The following PLCL2 variants were observed in gnomAD, a reference collection of about 807,000 sequenced individuals.
PLCL2 encodes inactive phospholipase C-like protein 2.
Under a neutral mutation model 79.6 loss-of-function variants are expected in PLCL2, and 4 were observed. The ratio of observed to expected loss-of-function variants is 0.05; its 90% CI spans 0.02 to 0.11. The LOEUF is 0.11. Ranked by LOEUF, PLCL2 falls within the 10% of genes least tolerant of loss-of-function variation. The pLI, the probability that PLCL2 is intolerant of heterozygous loss-of-function variation, is 1.00. For missense variants in PLCL2, 895 were observed against 1,291.0 expected (o/e 0.69, Z 4.70); for synonymous variants, 484 against 457.7 (o/e 1.06, Z -0.73).
chr3:17,068,254 T>A (rs982044122), intron 5 of PLCL2, among the ~76,000 whole-genome samples, 189 bp downstream of exon 5: 2 of 152,236 alleles, frequency 1.3e-5, no homozygotes, highest in Admixed American at 6.5e-5. Context: ...TGTAGATCAG[T>A]TGAAGAACAG....
At chr3:17,089,623 C>A in intron 5 of PLCL2, 110 bp from the exon 6 acceptor site, 2 of 693,132 alleles carry the variant, frequency 2.9e-6, no homozygotes, top group Admixed American at 2.7e-5. Context: ...AATAATTATG[C>A]CTTCTTGTGG....
chr3:17,068,390 A>G (rs1243474587), intron 5 of PLCL2, among the ~76,000 whole-genome samples: 2 of 152,232 alleles, frequency 1.3e-5, no homozygotes, highest in South Asian at 2.1e-4. Flanking sequence ...TATTGATTAC[A>G]GAGGAATGAT....
chr3:16,989,025 C>G (rs936750343), intron 1 of PLCL2, among the ~76,000 whole-genome samples: 3 of 152,024 alleles, frequency 2.0e-5, no homozygotes, highest in Non-Finnish European at 2.9e-5. Context: ...TGTTCTCTCT[C>G]TCTCACTTTT....
chr3:16,960,240 A>G (rs2063743053), intron 1 of PLCL2, among the ~76,000 whole-genome samples: 2 of 152,210 alleles, frequency 1.3e-5, no homozygotes, highest in South Asian at 2.1e-4. Context: ...GAAGCCTCAC[A>G]TAAATCAGCC....
chr3:16,964,595 A>T (rs1460311201), intron 1 of PLCL2, among the ~76,000 whole-genome samples: 1 of 152,148 alleles, frequency 6.6e-6, no homozygotes, highest in Non-Finnish European at 1.5e-5. Context: ...GAATCCCCAC[A>T]CTGTCTTCCA....
At chr3:16,913,730 TGTA>T (rs1696932125) in intron 1 of PLCL2, among the ~76,000 whole-genome samples, 1 of 152,144 alleles carries the variant, frequency 6.6e-6, no homozygotes, top group African/African-American at 2.4e-5. Context: ...ATAGCTGTCA[TGTA>T]GTCATTATTT....
At chr3:16,978,825 T>C (rs997984332) in intron 1 of PLCL2, among the ~76,000 whole-genome samples, 5 of 152,360 alleles carry the variant, frequency 3.3e-5, no homozygotes, top group Middle Eastern at 3.4e-3. Flanking sequence ...GGAGGTTTCG[T>C]TGGCAGAGAA....
At chr3:16,966,413 G>A (rs1219672281) in intron 1 of PLCL2, among the ~76,000 whole-genome samples, 4 of 151,882 alleles carry the variant, frequency 2.6e-5, no homozygotes, top group South Asian at 2.1e-4. Flanking sequence ...TGCTGGATTC[G>A]GTTTGCCAGT....
At chr3:16,956,490 C>CT (rs1425755264) in intron 1 of PLCL2, among the ~76,000 whole-genome samples, 1 of 152,054 alleles carries the variant, frequency 6.6e-6, no homozygotes, top group African/African-American at 2.4e-5. Flanking sequence ...CTAAAATTCT[C>CT]TTTTTTTGTT....
intron 1 of PLCL2, among the ~76,000 whole-genome samples, chr3:16,997,345 A>G (rs748636654): frequency 6.6e-6 from 1 of 152,210 alleles, no homozygotes; most frequent in East Asian, 1.9e-4. Context: ...GGTAGACACT[A>G]TAAATACCGT....
intron 4 of PLCL2, among the ~76,000 whole-genome samples, chr3:17,063,666 G>A (rs1462802003): frequency 6.6e-6 from 1 of 152,052 alleles, no homozygotes; most frequent in East Asian, 1.9e-4. Flanking sequence ...TCTCTGACAA[G>A]TTCCCCCAGA....
chr3:16,955,824 CTGTT>C (rs1400833042), intron 1 of PLCL2, among the ~76,000 whole-genome samples: 7 of 152,224 alleles, frequency 4.6e-5, no homozygotes, highest in South Asian at 4.1e-4. Context: ...ATTTGGCTCT[CTGTT>C]TGTCTGTTAT....
At chr3:16,899,616 A>G (rs1696571904) in intron 1 of PLCL2, among the ~76,000 whole-genome samples, 1 of 152,076 alleles carries the variant, frequency 6.6e-6, no homozygotes, top group Non-Finnish European at 1.5e-5. Flanking sequence ...AGTGCGTGAA[A>G]TCTTGTCTGC....
At chr3:17,003,899 C>G (rs978195813) in intron 1 of PLCL2, among the ~76,000 whole-genome samples, 5 of 152,116 alleles carry the variant, frequency 3.3e-5, no homozygotes, top group African/African-American at 1.2e-4. Flanking sequence ...TCAGGAGCAC[C>G]CATGGAGAAG....
chr3:16,989,327 C>T (rs2064081356), intron 1 of PLCL2, among the ~76,000 whole-genome samples: 1 of 152,072 alleles, frequency 6.6e-6, no homozygotes, highest in African/African-American at 2.4e-5. Context: ...TATGACAAGT[C>T]CTTGCCCTTA....
Position 17,010,052 on chromosome 3 carries a change from G to A in PLCL2, c.706G>A (p.Ala236Thr), listed in dbSNP as rs369130951. ...GTCACTGGATTTGGTTGCCAACTCCGCAGATGTTGCAAACATCTGGGTTAC... is the reference window on the plus strand; with the variant it reads ...GTCACTGGATTTGGTTGCCAACTCCACAGATGTTGCAAACATCTGGGTTAC... The part of the protein sequence containing the change: ...YESLDLVANS[A>T]DVANIWVTGL... Residue 236 changes from alanine (A) to threonine (T), a missense_variant, in exon 2 of 6, where the codon GCA (alanine) becomes ACA (threonine). Around this residue, in one of 6 missense-constraint regions of PLCL2, gnomAD observed 129 missense variants for 208.8 expected, o/e 0.62. Coordinates refer to ENST00000615277, the MANE Select transcript of PLCL2 (RefSeq NM_001144382.2). This position sits in a 1 kb window ranked among gnomAD's most constrained non-coding sequence, Gnocchi z 5.8. 8.7e-6 allele frequency: 14 copies of A among 1,612,186 alleles called. No individual in the cohort carries two copies. The Admixed American group carries it at 1.0e-4, about 12-fold the overall frequency.
At chr3:16,964,070 C>T (rs938399823) in intron 1 of PLCL2, among the ~76,000 whole-genome samples, 6 of 151,986 alleles carry the variant, frequency 3.9e-5, no homozygotes, top group South Asian at 2.1e-4. Flanking sequence ...ATGTGCACAA[C>T]GTGCAGGTTT....
At chr3:16,951,368 C>G (rs551025946) in intron 1 of PLCL2, among the ~76,000 whole-genome samples, 1 of 151,914 alleles carries the variant, frequency 6.6e-6, no homozygotes, top group African/African-American at 2.4e-5. Flanking sequence ...TTTTAACATA[C>G]TATCTGAATT....
chr3:16,929,076 C>G (rs1697328426), intron 1 of PLCL2, among the ~76,000 whole-genome samples: 2 of 96 alleles, frequency 0.021, no homozygotes, highest in Admixed American at 0.33. Flanking sequence ...GAACGTACAC[C>G]ACAGCCGCAG....
Sources: allele counts gnomAD v4.1 joint callset (sites outside exome capture counted in the v4.1 genomes callset), GRCh38; gene constraint gnomAD v4.1.1; regional missense constraint gnomAD v4.1.1; non-coding constraint Gnocchi (gnomAD v3.1); transcripts MANE v1.5; gene names NCBI Gene and HGNC (gene_info 2026-07-23, HGNC 2026-07-21).